The following MYO5B variants were observed in gnomAD, a reference collection of about 807,000 sequenced individuals.
MYO5B encodes myosin VB, also known as unconventional myosin-Vb.
MYO5B carries 143 observed loss-of-function variants against 229.3 expected under a neutral mutation model. That is an observed-to-expected ratio of 0.62 (90% CI 0.54 to 0.72). The LOEUF is 0.72. Ranked by LOEUF, MYO5B falls within the 30% of genes least tolerant of loss-of-function variation. The pLI is 0.00. For missense variants in MYO5B, 2,321 were observed against 2,331.0 expected, an observed-to-expected ratio of 1.00 and a Z score of 0.09; for synonymous variants, 918 against 885.2, an observed-to-expected ratio of 1.04 and a Z score of -0.66.
At chr18:49,847,108 A>G in intron 33 of MYO5B, 38 bp downstream of exon 33, 1 of 1,611,934 alleles carries the variant, frequency 6.2e-7, no homozygotes, top group African/African-American at 1.3e-5. Flanking sequence ...GGGCTGAAGG[A>G]GGGGCAGGCA....
chr18:50,031,385 C>T (rs995038829), intron 4 of MYO5B, among the ~76,000 whole-genome samples: 13 of 152,314 alleles, frequency 8.5e-5, no homozygotes, highest in African/African-American at 2.6e-4. Context: ...GAGAACTATA[C>T]AGCATCCGAA....
At position 50,125,671 on chromosome 18, in the gene MYO5B, TGA is replaced by T. The variant is rs1223617131; in HGVS notation, c.27+69094_27+69095del. Among the ~76,000 whole-genome samples, 5 of 152,318 alleles carry T rather than the reference TGA, an allele frequency of 3.3e-5. No individual in the cohort carries two copies. In the South Asian group the frequency reaches 8.3e-4, roughly 25 times the overall value. On this transcript the variant is annotated intron_variant, in intron 1 of 39. Coordinates refer to ENST00000285039, the MANE Select transcript of MYO5B (RefSeq NM_001080467.3). ...GCAATTCTACTTCTAGGAATGTAAC[TGA>T]GAGAATCAACAGCAGGAATTCAAAC...
intron 33 of MYO5B, among the ~76,000 whole-genome samples, chr18:49,844,095 G>A (rs768650938): frequency 7.2e-5 from 11 of 152,206 alleles, no homozygotes; most frequent in Non-Finnish European, 1.6e-4. Flanking sequence ...CTGGGCAAGG[G>A]CTGCTCTGGC....
At chr18:49,853,813 A>G (rs777683226) in intron 30 of MYO5B, among the ~76,000 whole-genome samples, 166 bp from the exon 31 acceptor site, 61 of 152,238 alleles carry the variant, frequency 4.0e-4, no homozygotes, top group Non-Finnish European at 6.9e-4. Flanking sequence ...GGGGACCACA[A>G]GGCAAGCAGG....
chr18:50,116,161 C>T (rs1480643221), intron 1 of MYO5B, among the ~76,000 whole-genome samples: 1 of 152,184 alleles, frequency 6.6e-6, no homozygotes, highest in African/African-American at 2.4e-5. Flanking sequence ...CCCTATGACC[C>T]TAATAGACCA....
chr18:49,962,758 G>T (rs938626075), intron 11 of MYO5B, among the ~76,000 whole-genome samples, 191 bp downstream of exon 11: 2 of 152,020 alleles, frequency 1.3e-5, no homozygotes, highest in Non-Finnish European at 2.9e-5. Flanking sequence ...CAGCACAGTT[G>T]CCCCCATTCA....
At chr18:49,957,407 C>T (rs1017956388) in intron 12 of MYO5B, among the ~76,000 whole-genome samples, 1 of 151,968 alleles carries the variant, frequency 6.6e-6, no homozygotes, top group African/African-American at 2.4e-5. Flanking sequence ...TTTGGGAGGC[C>T]GAGGTGGGAG....
intron 4 of MYO5B, among the ~76,000 whole-genome samples, chr18:50,029,289 G>C (rs1484780983): frequency 6.6e-6 from 1 of 152,172 alleles, no homozygotes; most frequent in Non-Finnish European, 1.5e-5. Context: ...GAGCAGGGAA[G>C]AACAGGGACA....
intron 2 of MYO5B, among the ~76,000 whole-genome samples, chr18:50,041,734 G>A (rs1349536390): frequency 1.3e-5 from 2 of 152,048 alleles, no homozygotes; most frequent in South Asian, 2.1e-4. Flanking sequence ...AACTTTTGAA[G>A]AATTATGCAA....
rs780116737 is a variant in MYO5B, at chr18:49,841,416, T to G, written c.4650A>C (p.Leu1550Phe). Reference protein sequence around the residue: ...NDDFEMTSFWLSNTCRLLHCL... With the variant: ...NDDFEMTSFWFSNTCRLLHCL... ...AGTGAAGAAGGCGGCAGGTGTTGGA[T>G]AACCAGAATGACGTCATCTCAAAGT... The change falls in exon 35 of 40, where the codon TTA (leucine) becomes TTC (phenylalanine). Residue 1550 changes from leucine (L) to phenylalanine (F), a missense_variant. By Grantham distance (22) the Leu-to-Phe change is conservative. This residue lies in a region of MYO5B where 2,113 missense variants were observed against 2,044.7 expected (regional missense o/e 1.03). Transcript: ENST00000285039. 1.2e-6 allele frequency: 2 copies of G among 1,614,220 alleles called. No individual in the cohort carries two copies. The highest frequency in any genetic ancestry group is 2.2e-5 in the East Asian group (1 of 44,886).
intron 4 of MYO5B, among the ~76,000 whole-genome samples, chr18:50,030,775 ACAG>A (rs2026378434): frequency 6.7e-6 from 1 of 148,820 alleles, no homozygotes; most frequent in Admixed American, 6.9e-5. Flanking sequence ...ATTATTAGTC[ACAG>A]CTGGCAACAC....
In MYO5B at chr18:49,896,382, T is replaced by C. The variant is rs576071117; in HGVS notation, c.2812-1208A>G. Among the ~76,000 whole-genome samples the C allele has an allele frequency of 2.0e-5, 3 of 152,276 alleles. No individual in the cohort carries two copies. The East Asian group carries it at 5.8e-4, about 29-fold the overall frequency. ...AAGGCATCACAAAGAAGAAATCCAA[T>C]CAAGCAGATTCTATTTGAACACCGA... On this transcript the variant is annotated intron_variant, in intron 21 of 39. Coordinates refer to ENST00000285039, the MANE Select transcript of MYO5B (RefSeq NM_001080467.3).
intron 1 of MYO5B, among the ~76,000 whole-genome samples, chr18:50,184,042 TA>T (rs1439211558): frequency 6.6e-6 from 1 of 152,316 alleles, no homozygotes; most frequent in African/African-American, 2.4e-5. Context: ...GTGAGCTAAA[TA>T]AACCTTTTTA....
At position 49,904,750 on chromosome 18, in the gene MYO5B, G is replaced by A; in HGVS notation, c.2493C>T (p.Ala831=). The A allele has an allele frequency of 6.2e-7, 1 of 1,614,054 alleles. No homozygotes were observed. The highest frequency in any genetic ancestry group is 8.5e-7 in the Non-Finnish European group (1 of 1,180,042). Residue 831 remains alanine (A), a synonymous_variant, in exon 20 of 40, where the codon GCC becomes GCT. Transcript: ENST00000285039. ...KHYRMQRARQ[A]YQRVRRAAVV... ...CGGCAGCTCTGCGGACCCTCTGGTA[G>A]GCCTGGCGGGCCCTCTGCATGCGGT...
intron 21 of MYO5B, among the ~76,000 whole-genome samples, chr18:49,898,849 T>C (rs1311344089): frequency 6.6e-6 from 1 of 152,228 alleles, no homozygotes; most frequent in African/African-American, 2.4e-5. Context: ...GTTTTATCTT[T>C]GTTTCCTCCC....
intron 17 of MYO5B, among the ~76,000 whole-genome samples, chr18:49,917,518 C>T (rs2144172626): frequency 6.6e-6 from 1 of 151,468 alleles, no homozygotes. Flanking sequence ...AACAGGACAC[C>T]TTCTCGACTT....
At position 49,990,638 on chromosome 18, in the gene MYO5B, G is replaced by A. The variant is rs149131534; in HGVS notation, c.757-118C>T. The A allele has an allele frequency of 2.0e-5, 16 of 800,268 alleles. No individual in the cohort carries two copies. The African/African-American group carries it at 2.2e-4, about 11-fold the overall frequency. The allele number at this position is 800,268 out of a possible 1,614,324, so 49.6% of individuals were successfully genotyped here. A position where few individuals can be genotyped will look rare whatever the true frequency, so the allele number is the denominator to read the frequency against. ...GGCTGAGCCCCCCACTCTTCCCAGT[G>A]TTTTCCTCCACACCTCTGCCACCTT... On this transcript the variant is annotated intron_variant, in intron 6 of 39. Coordinates refer to ENST00000285039, the MANE Select transcript of MYO5B (RefSeq NM_001080467.3).
At chr18:50,002,020 A>G (rs1355103576) in intron 4 of MYO5B, among the ~76,000 whole-genome samples, 1 of 135,682 alleles carries the variant, frequency 7.4e-6, no homozygotes, top group Non-Finnish European at 1.6e-5. Flanking sequence ...TGGGCAACAG[A>G]GCAAAACTCC....
At chr18:50,179,142 AT>A (rs1410474322) in intron 1 of MYO5B, among the ~76,000 whole-genome samples, 2 of 152,220 alleles carry the variant, frequency 1.3e-5, no homozygotes, top group Non-Finnish European at 2.9e-5. Flanking sequence ...TCTTCCAGAC[AT>A]GAAAACCACC....
Sources: gnomAD v4.1 joint callset for allele counts (sites outside exome capture counted in the v4.1 genomes callset) on GRCh38, gnomAD v4.1.1 for gene constraint, gnomAD v4.1.1 regional missense constraint, MANE v1.5 for transcripts, NCBI Gene and HGNC (gene_info 2026-07-23, HGNC 2026-07-21) for gene names.